MPRIP: variants seen among roughly 807,000 people sequenced by gnomAD.
MPRIP encodes myosin phosphatase Rho interacting protein, also known as myosin phosphatase Rho-interacting protein.
Under a neutral mutation model 234.9 loss-of-function variants are expected in MPRIP, and 59 were observed. That is an observed-to-expected ratio of 0.25 (90% confidence interval 0.20 to 0.31). MPRIP has a LOEUF of 0.31. Among genes scored for constraint, MPRIP ranks in the 10% least tolerant of loss-of-function variants. MPRIP has a pLI of 1.00. For synonymous variants in MPRIP, 1,144 were observed against 1,263.9 expected (o/e 0.91, Z 2.01); for missense variants, 2,436 against 3,071.0 (o/e 0.79, Z 4.89).
intron 5 of MPRIP, among the ~76,000 whole-genome samples, chr17:17,134,571 G>C (rs941994251): frequency 9.2e-5 from 14 of 152,226 alleles, no homozygotes; most frequent in African/African-American, 3.4e-4. Context: ...TAGGTGGTCA[G>C]GTGTGCGTCC....
chr17:17,142,760 A>G lies in MPRIP; in HGVS notation c.1384A>G (p.Lys462Glu), dbSNP rs931530654. 1.9e-6 allele frequency: 3 copies of G among 1,612,182 alleles called. No homozygotes were observed. Among genetic ancestry groups the G allele is most frequent in the Non-Finnish European group, 2.5e-6 (3 of 1,179,708 alleles). Residue 462 changes from lysine to glutamate, a missense_variant, in exon 8 of 24, where the codon AAG becomes GAG. This residue lies in a region of MPRIP where 267 missense variants were observed against 252.7 expected (regional missense o/e 1.06). Coordinates refer to ENST00000651222, the MANE Select transcript of MPRIP (RefSeq NM_001364716.4). ...CAGCGAGAAGAGGGCGTTCCCTAGG[A>G]AGCGGGTGAGCTCCTGGGGCTGGGC... ...GRSEKRAFPR[K>E]RDFTNEAPPA...
intron 12 of MPRIP, among the ~76,000 whole-genome samples, chr17:17,151,589 C>G (rs539466118): frequency 6.6e-6 from 1 of 152,218 alleles, no homozygotes; most frequent in Non-Finnish European, 1.5e-5. Context: ...AACCCCAACC[C>G]TCTGATTTAA....
chr17:17,077,927 T>G (rs2089372721), intron 2 of MPRIP, 84 bp from the exon 3 acceptor site: 1 of 1,357,118 alleles, frequency 7.4e-7, no homozygotes, highest in East Asian at 2.3e-5. Context: ...AGATATGGAC[T>G]TGTCAGACGT....
rs2046575637 is a variant in MPRIP, at chr17:17,190,982, A to C, written c.*6088A>C. 6.6e-6 allele frequency: 1 copy of C among 152,176 alleles called. No homozygotes were observed. The highest frequency in any genetic ancestry group is 2.4e-5 in the African/African-American group (1 of 41,428). 9.4% of individuals were successfully genotyped at this position (152,176 alleles called of 1,614,324 possible). ...GTATGGGTTTTTAAAAAAATCTTAG[A>C]CACCCCTTTTTAAGATGGGGAGAAC... is the stretch of plus-strand genomic sequence containing the variant. On this transcript the variant is annotated 3_prime_UTR_variant, in exon 24 of 24. Coordinates refer to ENST00000651222, the MANE Select transcript of MPRIP (RefSeq NM_001364716.4).
In MPRIP at chr17:17,165,103, A is replaced by C. The variant is rs1395154524; in HGVS notation, c.3512A>C (p.Glu1171Ala). 7 of 1,304,056 alleles carry C rather than the reference A, an allele frequency of 5.4e-6. No homozygotes were observed. Among genetic ancestry groups the C allele is most frequent in the Non-Finnish European group, 7.1e-6 (7 of 988,970 alleles). 80.8% of individuals were successfully genotyped at this position (1,304,056 alleles called of 1,614,324 possible). The part of the protein sequence containing the change: ...TLLREKEEEL[E>A]RIKEAHEKVL... ...CTGAGAGAGAAGGAGGAAGAGCTGG[A>C]GCGCATTAAGGAAGCACATGAGAAG... The change falls in exon 16 of 24, where the codon GAG becomes GCG. Residue 1171 changes from glutamate (E) to alanine (A), a missense_variant. Glu to Ala is a moderately radical substitution (Grantham distance 107). This residue lies in a region of MPRIP where 1,998 missense variants were observed against 2,520.3 expected (regional missense o/e 0.79). Transcript: ENST00000651222.
At chr17:17,099,259 CCAGTCCTGCAGCCTTGTAGGGTCCAG>C (rs1399525546) in intron 3 of MPRIP, among the ~76,000 whole-genome samples, 1 of 152,180 alleles carries the variant, frequency 6.6e-6, no homozygotes, top group African/African-American at 2.4e-5. Flanking sequence ...GCTGGGCCAA[CCAGTCCTGCAGCCTTGTAGGGTCCAG>C]CACCTCCCTA....
rs191055003 is a variant in MPRIP at position 17,175,327 on chromosome 17, G to A, written c.6785G>A (p.Arg2262Gln). The A allele has an allele frequency of 4.0e-5, 64 of 1,613,546 alleles. No homozygotes were observed. Among genetic ancestry groups the A allele is most frequent in the Middle Eastern group, 3.3e-4 (2 of 6,062 alleles). Reference protein sequence around the residue: ...LNNRLAAEITRLRTLLTGDGG... With the variant: ...LNNRLAAEITQLRTLLTGDGG... ...AACCGCCTGGCTGCAGAGATCACAC[G>A]GTTGCGGACGCTGCTGACTGGGGAC... Residue 2262 changes from arginine to glutamine, a missense_variant, in exon 20 of 24, where the codon CGG (arginine) becomes CAG (glutamine). Arg to Gln is a conservative substitution (Grantham distance 43, BLOSUM62 1). Coordinates refer to ENST00000651222, the MANE Select transcript of MPRIP (RefSeq NM_001364716.4).
intron 3 of MPRIP, among the ~76,000 whole-genome samples, chr17:17,103,972 A>C (rs930288568): frequency 3.3e-5 from 5 of 152,166 alleles, no homozygotes; most frequent in African/African-American, 9.7e-5. Context: ...GCTTTTTCCC[A>C]AAGGAAAGGA....
At chr17:17,095,573 T>A (rs889040335) in intron 3 of MPRIP, among the ~76,000 whole-genome samples, 1 of 152,162 alleles carries the variant, frequency 6.6e-6, no homozygotes, top group Non-Finnish European at 1.5e-5. Context: ...ACTTTTAGGA[T>A]GCAGACTTTC....
chr17:17,076,490 G>T (rs760041373), intron 2 of MPRIP: 1 of 152,216 alleles, frequency 6.6e-6, no homozygotes, highest in South Asian at 2.1e-4. Flanking sequence ...ACACTTTGGA[G>T]TAGGGGCCTT....
intron 6 of MPRIP, among the ~76,000 whole-genome samples, chr17:17,137,086 G>A (rs978893269): frequency 6.6e-6 from 1 of 152,280 alleles, no homozygotes; most frequent in Admixed American, 6.5e-5. Context: ...AGCTCGCTCT[G>A]TCTGCATCTT....
chr17:17,111,292 C>T (rs1213023650), intron 3 of MPRIP, among the ~76,000 whole-genome samples: 1 of 148,192 alleles, frequency 6.7e-6, no homozygotes, highest in Non-Finnish European at 1.5e-5. Flanking sequence ...CACTGTAGGC[C>T]AGGCTGCTAA....
At chr17:17,112,361 T>C (rs2090189745) in intron 3 of MPRIP, among the ~76,000 whole-genome samples, 1 of 152,120 alleles carries the variant, frequency 6.6e-6, no homozygotes. Context: ...CAAGTGCCCA[T>C]CTCACAGCAG....
chr17:17,179,273 C>T (rs2046323079), intron 22 of MPRIP, among the ~76,000 whole-genome samples: 2 of 151,894 alleles, frequency 1.3e-5, no homozygotes, highest in South Asian at 4.1e-4. Context: ...ATTGTGAAAC[C>T]CCGTCTCTAC....
intron 1 of MPRIP, among the ~76,000 whole-genome samples, chr17:17,057,065 C>T (rs1411069024): frequency 6.6e-6 from 1 of 152,248 alleles, no homozygotes; most frequent in Non-Finnish European, 1.5e-5. Flanking sequence ...CACCTCCTTT[C>T]AGCGGACCCC....
rs911510932 is a variant in MPRIP at position 17,185,353 on chromosome 17, G to A, written c.*459G>A. 9 of 381,204 alleles carry A rather than the reference G, an allele frequency of 2.4e-5. No homozygotes were observed. The highest frequency in any genetic ancestry group is 1.9e-4 in the African/African-American group (9 of 47,694). The allele number at this position is 381,204 out of a possible 1,614,324, so 23.6% of individuals were successfully genotyped here. ...ACACTCCAGCTTGGCCTGGGTCACA[G>A]CACTGACTCCTCACCCGCTAGTCTG... On this transcript the variant is annotated 3_prime_UTR_variant, in exon 24 of 24. Transcript: ENST00000651222.
intron 1 of MPRIP, among the ~76,000 whole-genome samples, chr17:17,058,693 C>T (rs955657160): frequency 1.3e-5 from 2 of 152,204 alleles, no homozygotes; most frequent in African/African-American, 4.8e-5. Flanking sequence ...TCTGCCTGTG[C>T]CTTGGAGTCT....
At chr17:17,131,873 C>G (rs2090603683) in intron 5 of MPRIP, among the ~76,000 whole-genome samples, 172 bp downstream of exon 5, 1 of 152,234 alleles carries the variant, frequency 6.6e-6, no homozygotes, top group African/African-American at 2.4e-5. Flanking sequence ...CACTGAGCCA[C>G]AGGGGAACCA....
At chr17:17,096,164 C>T (rs2089833861) in intron 3 of MPRIP, among the ~76,000 whole-genome samples, 1 of 152,150 alleles carries the variant, frequency 6.6e-6, no homozygotes, top group Non-Finnish European at 1.5e-5. Context: ...TCGTGCCTGC[C>T]TTGTACCCAC....
Sources: allele counts gnomAD v4.1 joint callset (sites outside exome capture counted in the v4.1 genomes callset), GRCh38; gene constraint gnomAD v4.1.1; regional missense constraint gnomAD v4.1.1; transcripts MANE v1.5; gene names NCBI Gene and HGNC (gene_info 2026-07-23, HGNC 2026-07-21).